MORC4: variants seen among roughly 807,000 people sequenced by gnomAD.
MORC4 encodes MORC family CW-type zinc finger 4.
A neutral mutation model predicts 65.5 loss-of-function variants in MORC4; 22 were observed. The ratio of observed to expected loss-of-function variants is 0.34; its 90% confidence interval spans 0.24 to 0.48. The LOEUF (loss-of-function observed/expected upper bound fraction) is 0.48. MORC4 is among the 20% of genes least tolerant of loss of function. MORC4 has a pLI of 0.99. For synonymous variants in MORC4, 267 were observed against 255.8 expected, an observed-to-expected ratio of 1.04 and a Z score of -0.42; for missense variants, 624 against 703.0, an observed-to-expected ratio of 0.89 and a Z score of 1.27.
intron 8 of MORC4, among the ~76,000 whole-genome samples, chrX:106,977,149 T>C (rs1187861270): frequency 2.7e-5 from 3 of 111,960 alleles, no homozygotes; most frequent in South Asian, 3.7e-4. Flanking sequence ...CCCACATACA[T>C]AGGCCACCAA....
intron 3 of MORC4, among the ~76,000 whole-genome samples, chrX:106,989,269 T>C (rs887155851): frequency 1.6e-4 from 18 of 112,300 alleles, no homozygotes; most frequent in Non-Finnish European, 2.8e-4. Flanking sequence ...CAGCTGAATA[T>C]ACAGACTAAC....
chrX:106,972,013 G>A, intron 9 of MORC4, among the ~76,000 whole-genome samples: 1 of 112,122 alleles, frequency 8.9e-6, no homozygotes, highest in East Asian at 2.8e-4. Context: ...AAAGACACAT[G>A]CACACGTATG....
At chrX:106,964,736 G>A (rs1275521220) in intron 9 of MORC4, among the ~76,000 whole-genome samples, 4 of 112,246 alleles carry the variant, frequency 3.6e-5, no homozygotes, top group Admixed American at 1.9e-4. Flanking sequence ...TTGGCCAGGT[G>A]CAGTGGCTCA....
Position 106,993,346 on chromosome X carries a change from T to C in MORC4, c.192A>G (p.Pro64=). 2 of 1,209,185 alleles carry C rather than the reference T, an allele frequency of 1.7e-6. No homozygotes were observed. The highest frequency in any genetic ancestry group is 1.1e-6 in the Non-Finnish European group (1 of 894,061). ...IAELLDNAVD[P]DVSARTVFID... Reference sequence around the variant, plus strand: ...TAAAGACCGTCCTGGCAGATACATCTGGATCTACAGCATTATCTGCAAAAG... The same window carrying C: ...TAAAGACCGTCCTGGCAGATACATCCGGATCTACAGCATTATCTGCAAAAG... The change falls in exon 3 of 17, where the codon CCA becomes CCG. Residue 64 remains proline (P), a synonymous_variant. Coordinates refer to ENST00000355610, the MANE Select transcript of MORC4 (RefSeq NM_024657.5).
rs193025484 is a variant in MORC4 at position 106,981,483 on chromosome X, G to A, written c.675-6C>T. ...CAGATTTTCCATTTTTATTTCTGGG[G>A]AAAAGAGACAAGTACCAATCTAACA... On this transcript the variant is annotated splice_region_variant and splice_polypyrimidine_tract_variant and intron_variant, in intron 5 of 16. Transcript: ENST00000355610. 170 of 1,179,191 alleles carry A rather than the reference G, an allele frequency of 1.4e-4. No homozygotes were observed. In the East Asian group the frequency reaches 5.0e-3, roughly 35 times the overall value.
In MORC4 at chrX:106,942,055, C is replaced by T. The variant is rs1465408882; in HGVS notation, c.2543G>A (p.Arg848Lys). 8.3e-7 allele frequency: 1 copy of T among 1,209,549 alleles called. No individual in the cohort carries two copies. The highest frequency in any genetic ancestry group is 1.1e-6 in the Non-Finnish European group (1 of 895,060). ...TAACTCTTGCTTTTCCTCTTTGGTT[C>T]TTTCCAGCTCAGCTTTCAGAATCTG... The part of the protein sequence containing the change: ...EFQILKAELE[R>K]TKEEKQELKE... Residue 848 changes from arginine (R) to lysine (K), a missense_variant, in exon 16 of 17, where the codon AGA (arginine) becomes AAA (lysine). Physicochemically the swap from Arg to Lys is conservative, Grantham distance 26 (BLOSUM62 2). Coordinates refer to ENST00000355610, the MANE Select transcript of MORC4 (RefSeq NM_024657.5).
intron 4 of MORC4, among the ~76,000 whole-genome samples, chrX:106,985,585 T>C (rs191158496): frequency 3.5e-3 from 384 of 111,246 alleles, no homozygotes; most frequent in Non-Finnish European, 5.2e-3. Flanking sequence ...GTAACAGCTG[T>C]GCAGATATAG....
intron 14 of MORC4, among the ~76,000 whole-genome samples, chrX:106,947,558 C>CTATATATATATATATATATA (rs1277165874): frequency 1.5e-5 from 1 of 64,909 alleles, no homozygotes; most frequent in Non-Finnish European, 2.7e-5. Context: ...TGTAGTTAAT[C>CTATATATATATATATATATA]TATATATATA....
At chrX:106,947,572 T>TATATATATATATATATATATA (rs1933869144) in intron 14 of MORC4, among the ~76,000 whole-genome samples, 2 of 34,114 alleles carry the variant, frequency 5.9e-5, no homozygotes, top group Non-Finnish European at 9.1e-5. Context: ...ATATATATAT[T>TATATATATATATATATATATA]ATATATATAT....
At chrX:106,961,077 TG>T (rs1447045980) in intron 10 of MORC4, among the ~76,000 whole-genome samples, 1 of 111,476 alleles carries the variant, frequency 9.0e-6, no homozygotes, top group Non-Finnish European at 1.9e-5. Flanking sequence ...TTTAACATAC[TG>T]GGTTCTCTAT....
At chrX:106,951,995 C>CAAA (rs56864570) in intron 14 of MORC4, among the ~76,000 whole-genome samples, 8 of 31,634 alleles carry the variant, frequency 2.5e-4, no homozygotes, top group Admixed American at 4.8e-4. Context: ...GACTCTGCCG[C>CAAA]AAAAAAAAAA....
chrX:106,944,071 A>G (rs1430452201), intron 14 of MORC4, among the ~76,000 whole-genome samples: 1 of 112,571 alleles, frequency 8.9e-6, no homozygotes, highest in East Asian at 2.8e-4. Context: ...TAACCAAGAC[A>G]TTTCAAGATA....
chrX:106,953,318 T>C (rs773611646), intron 14 of MORC4, among the ~76,000 whole-genome samples: 21 of 111,786 alleles, frequency 1.9e-4, no homozygotes, highest in African/African-American at 6.2e-4. Flanking sequence ...AAAGTGGTCA[T>C]AGTAAGGAAG....
At chrX:106,941,746 T>G (rs1933688543) in intron 16 of MORC4, 114 bp from the exon 17 acceptor site, 1 of 875,548 alleles carries the variant, frequency 1.1e-6, no homozygotes, top group African/African-American at 2.0e-5. Context: ...ATGTTTTCAT[T>G]AGCTAGAAAG....
chrX:106,993,108 G>C (rs1417836976), intron 3 of MORC4, 122 bp downstream of exon 3: 8 of 744,310 alleles, frequency 1.1e-5, no homozygotes, highest in Non-Finnish European at 1.6e-5. Flanking sequence ...TGGCACATAA[G>C]AGATGCTTAA....
chrX:106,999,641 C>G, intron 2 of MORC4, 36 bp downstream of exon 2: 1 of 1,114,361 alleles, frequency 9.0e-7, no homozygotes, highest in East Asian at 3.9e-5. Context: ...ACCACTGCCT[C>G]GGGCGAACAC....
intron 12 of MORC4, among the ~76,000 whole-genome samples, 160 bp from the exon 13 acceptor site, chrX:106,956,694 G>A (rs1037512082): frequency 9.0e-6 from 1 of 111,553 alleles, no homozygotes; most frequent in Non-Finnish European, 1.9e-5. Flanking sequence ...GGCTACTGAA[G>A]TGAGATTTCA....
At chrX:106,958,203 G>A in intron 11 of MORC4, 133 bp downstream of exon 11, 1 of 544,227 alleles carries the variant, frequency 1.8e-6, no homozygotes, top group Non-Finnish European at 2.9e-6. Context: ...GGCTAGATAG[G>A]TAAGCTGGGG....
intron 11 of MORC4, among the ~76,000 whole-genome samples, 167 bp downstream of exon 11, chrX:106,958,169 G>A (rs1398213788): frequency 1.8e-5 from 2 of 112,226 alleles, no homozygotes. Context: ...TACAAAGTTT[G>A]TGTTAAGATA....
Sources: gnomAD v4.1 joint callset for allele counts (sites outside exome capture counted in the v4.1 genomes callset) on GRCh38, gnomAD v4.1.1 for gene constraint, MANE v1.5 for transcripts, NCBI Gene and HGNC (gene_info 2026-07-23, HGNC 2026-07-21) for gene names.